DGKB: variants seen among roughly 807,000 people sequenced by gnomAD.
DGKB encodes the protein diacylglycerol kinase beta.
In DGKB, 67 loss-of-function variants were observed where a neutral mutation model predicts 114.3. The ratio of observed to expected loss-of-function variants is 0.59; its 90% CI spans 0.48 to 0.72. The LOEUF (loss-of-function observed/expected upper bound fraction) is 0.72. Ranked by LOEUF, DGKB falls within the 30% of genes least tolerant of loss-of-function variation. DGKB has a pLI of 0.00. For synonymous variants in DGKB, 398 were observed against 323.1 expected, an observed-to-expected ratio of 1.23 and a Z score of -2.49; for missense variants, 907 against 975.2, an observed-to-expected ratio of 0.93 and a Z score of 0.93.
At chr7:14,677,524 C>T (rs1820077621) in intron 12 of DGKB, among the ~76,000 whole-genome samples, 1 of 151,934 alleles carries the variant, frequency 6.6e-6, no homozygotes, top group Non-Finnish European at 1.5e-5. Context: ...ATCTCTATAT[C>T]ATAGCAAAAG....
chr7:14,360,907 A>T (rs1324980006), intron 21 of DGKB, among the ~76,000 whole-genome samples: 1 of 152,128 alleles, frequency 6.6e-6, no homozygotes, highest in Non-Finnish European at 1.5e-5. Context: ...TTAAATCAGT[A>T]ATTATGTAAC....
At chr7:14,693,782 A>T (rs1203564175) in intron 9 of DGKB, among the ~76,000 whole-genome samples, 2 of 152,068 alleles carry the variant, frequency 1.3e-5, no homozygotes, top group Admixed American at 6.5e-5. Flanking sequence ...AGATAATATG[A>T]GGAGGTCAGT....
intron 13 of DGKB, among the ~76,000 whole-genome samples, chr7:14,670,665 C>T (rs535781090): frequency 6.6e-6 from 1 of 152,184 alleles, no homozygotes; most frequent in Non-Finnish European, 1.5e-5. Context: ...AATTATTCAT[C>T]TTATGTAACT....
chr7:14,880,413 G>A (rs1197553264), intron 1 of DGKB, among the ~76,000 whole-genome samples: 4 of 152,104 alleles, frequency 2.6e-5, no homozygotes, highest in African/African-American at 4.8e-5. Flanking sequence ...AGCCAAGACC[G>A]TGCCATTGCA....
At chr7:14,171,524 A>C (rs1780995524) in intron 25 of DGKB, among the ~76,000 whole-genome samples, 4 of 152,218 alleles carry the variant, frequency 2.6e-5, no homozygotes, top group African/African-American at 9.6e-5. Context: ...GCAATGTATA[A>C]TTGATAATCC....
chr7:14,779,858 G>A (rs1838800785), intron 2 of DGKB, among the ~76,000 whole-genome samples: 1 of 152,096 alleles, frequency 6.6e-6, no homozygotes, highest in Non-Finnish European at 1.5e-5. Flanking sequence ...CAACTCCAGA[G>A]TATCTATTGT....
chr7:14,641,815 T>C (rs1284478401), intron 13 of DGKB, among the ~76,000 whole-genome samples: 1 of 152,116 alleles, frequency 6.6e-6, no homozygotes, highest in African/African-American at 2.4e-5. Flanking sequence ...TTACTCTTCG[T>C]TTTTAAGATT....
At chr7:14,615,446 G>A (rs1806337398) in intron 15 of DGKB, among the ~76,000 whole-genome samples, 1 of 151,700 alleles carries the variant, frequency 6.6e-6, no homozygotes, top group Non-Finnish European at 1.5e-5. Flanking sequence ...AATTAAAATT[G>A]TATTTTAAGT....
At chr7:14,826,211 G>A (rs960456237) in intron 2 of DGKB, among the ~76,000 whole-genome samples, 4 of 152,112 alleles carry the variant, frequency 2.6e-5, no homozygotes, top group Non-Finnish European at 2.9e-5. Flanking sequence ...GGGAGAAATA[G>A]ATCCTTTTCT....
At chr7:14,210,244 G>A (rs1787536366) in intron 23 of DGKB, among the ~76,000 whole-genome samples, 1 of 152,008 alleles carries the variant, frequency 6.6e-6, no homozygotes, top group Admixed American at 6.6e-5. Context: ...TGGTGCAATG[G>A]CCAAGCAAGA....
intron 1 of DGKB, among the ~76,000 whole-genome samples, chr7:14,961,834 C>G (rs1019663143): frequency 1.3e-5 from 2 of 152,056 alleles, no homozygotes; most frequent in Non-Finnish European, 2.9e-5. Flanking sequence ...GTGTTACTCT[C>G]CAATAAACTT....
intron 13 of DGKB, among the ~76,000 whole-genome samples, chr7:14,667,487 T>A (rs1398850632): frequency 6.6e-6 from 1 of 152,098 alleles, no homozygotes; most frequent in Non-Finnish European, 1.5e-5. Context: ...CACTTTGTAT[T>A]AACTGAGTCT....
intron 1 of DGKB, among the ~76,000 whole-genome samples, chr7:14,930,856 G>C (rs867458670): frequency 6.6e-6 from 1 of 152,006 alleles, no homozygotes; most frequent in African/African-American, 2.4e-5. Flanking sequence ...TGTACATGAC[G>C]TTCTGTATTT....
chr7:14,711,115 A>G (rs1827286736), intron 6 of DGKB, among the ~76,000 whole-genome samples: 1 of 152,076 alleles, frequency 6.6e-6, no homozygotes, highest in Non-Finnish European at 1.5e-5. Flanking sequence ...TCCAGTAGGA[A>G]GGTTGGTCTG....
At chr7:14,788,657 T>C (rs972479929) in intron 2 of DGKB, among the ~76,000 whole-genome samples, 5 of 152,152 alleles carry the variant, frequency 3.3e-5, no homozygotes, top group Admixed American at 1.3e-4. Context: ...CCAAGCCTGA[T>C]GAGCCTCTTA....
At chr7:14,517,631 C>T (rs189095511) in intron 20 of DGKB, among the ~76,000 whole-genome samples, 5 of 151,886 alleles carry the variant, frequency 3.3e-5, no homozygotes, top group African/African-American at 1.2e-4. Context: ...AACAAAACAC[C>T]TCATTAAAAA....
At chr7:14,798,121 C>A (rs953545204) in intron 2 of DGKB, among the ~76,000 whole-genome samples, 2 of 152,064 alleles carry the variant, frequency 1.3e-5, no homozygotes, top group African/African-American at 4.8e-5. Context: ...TAGTTAAAAG[C>A]CATAATTCAG....
intron 5 of DGKB, among the ~76,000 whole-genome samples, chr7:14,733,722 A>G (rs536309797): frequency 7.1e-6 from 1 of 140,528 alleles, no homozygotes; most frequent in South Asian, 2.2e-4. Context: ...AGAGAGAAAG[A>G]GAAAGAAATA....
At chr7:14,763,441 A>C (rs1164219926) in intron 2 of DGKB, among the ~76,000 whole-genome samples, 1 of 152,144 alleles carries the variant, frequency 6.6e-6, no homozygotes, top group Non-Finnish European at 1.5e-5. Context: ...AATGTTAACA[A>C]ATATTCACTC....
Sources: gnomAD v4.1 joint callset for allele counts (sites outside exome capture counted in the v4.1 genomes callset) on GRCh38, gnomAD v4.1.1 for gene constraint, MANE v1.5 for transcripts, NCBI Gene and HGNC (gene_info 2026-07-23, HGNC 2026-07-21) for gene names.